The following DOCK1 variants were observed in gnomAD, a reference collection of about 807,000 sequenced individuals.
DOCK1 encodes dedicator of cytokinesis protein 1.
In DOCK1, 138 loss-of-function variants were observed where a neutral mutation model predicts 262.7. The observed-to-expected ratio is 0.53, with a 90% CI of 0.46 to 0.61. DOCK1 has a LOEUF of 0.61. Among genes scored for constraint, DOCK1 ranks in the 20% least tolerant of loss-of-function variants. The pLI is 0.00. For synonymous variants in DOCK1, 866 were observed against 867.4 expected, an observed-to-expected ratio of 1.00 and a Z score of 0.03; for missense variants, 1,908 against 2,370.7, an observed-to-expected ratio of 0.80 and a Z score of 4.05.
chr10:127,179,054 AAGAG>A (rs1269348125), intron 27 of DOCK1, among the ~76,000 whole-genome samples: 2 of 152,184 alleles, frequency 1.3e-5, no homozygotes, highest in African/African-American at 2.4e-5. Flanking sequence ...GAAAATTTGA[AAGAG>A]AGAGCATTTT....
chr10:127,374,260 A>G (rs1403453980), intron 35 of DOCK1, 46 bp downstream of exon 35: 3 of 1,566,700 alleles, frequency 1.9e-6, no homozygotes, highest in East Asian at 4.6e-5. Context: ...ACAGCACACC[A>G]GAAACTGAAG....
rs1039172172 is a variant in DOCK1 at position 127,269,793 on chromosome 10, G to C, written c.3044+12364G>C. Among the ~76,000 whole-genome samples the C allele has an allele frequency of 2.0e-5, 3 of 152,214 alleles. No homozygotes were observed. The East Asian group carries it at 5.8e-4, about 29-fold the overall frequency. On this transcript the variant is annotated intron_variant, in intron 29 of 51. Coordinates refer to ENST00000623213, the MANE Select transcript of DOCK1 (RefSeq NM_001290223.2). ...AGTAGCAGGAGAGACTGCAGAACTG[G>C]TTGCTCTTAAGCCACATCCAAGGCC...
At chr10:127,439,959 T>G (rs903763386) in intron 49 of DOCK1, among the ~76,000 whole-genome samples, 4 of 152,058 alleles carry the variant, frequency 2.6e-5, no homozygotes, top group Non-Finnish European at 5.9e-5. Context: ...GAATCTGTGT[T>G]CGTCTGTTTT....
chr10:126,910,632 C>T (rs2031631129), intron 1 of DOCK1, among the ~76,000 whole-genome samples: 1 of 152,200 alleles, frequency 6.6e-6, no homozygotes, highest in Non-Finnish European at 1.5e-5. Context: ...CCTAAGGTTA[C>T]GTCTTGTAAA....
intron 1 of DOCK1, among the ~76,000 whole-genome samples, chr10:126,941,616 C>T (rs1462789178): frequency 7.2e-5 from 11 of 152,056 alleles, no homozygotes; most frequent in East Asian, 5.9e-4. Flanking sequence ...ATTAGCCAGG[C>T]GTGGTGGCGG....
chr10:127,320,893 C>T (rs867229081), intron 29 of DOCK1, among the ~76,000 whole-genome samples: 36 of 152,056 alleles, frequency 2.4e-4, no homozygotes, highest in African/African-American at 8.5e-4. Flanking sequence ...AGGGAAGCTC[C>T]CTTGACCTCA....
chr10:127,134,456 A>G (rs2050526645), intron 27 of DOCK1, among the ~76,000 whole-genome samples: 1 of 152,090 alleles, frequency 6.6e-6, no homozygotes, highest in Non-Finnish European at 1.5e-5. Context: ...CCATACTTTG[A>G]GCCCCTCCCC....
Position 126,999,542 on chromosome 10 carries a change from G to C in DOCK1, c.849+107G>C, listed in dbSNP as rs868094000. ...ACACTAGAACATGGGTCCCTGGGATGCCTGTATACAGGTTAATTTAGTATT... is the reference window on the plus strand; with the variant it reads ...ACACTAGAACATGGGTCCCTGGGATCCCTGTATACAGGTTAATTTAGTATT... On this transcript the variant is annotated intron_variant, in intron 9 of 51. Coordinates refer to ENST00000623213, the MANE Select transcript of DOCK1 (RefSeq NM_001290223.2). 6.9e-6 allele frequency: 6 copies of C among 875,392 alleles called. 1 individual carries two copies. Among genetic ancestry groups the C allele is most frequent in the Middle Eastern group, 2.2e-4 (1 of 4,510 alleles). The allele number at this position is 875,392 out of a possible 1,614,324, so 54.2% of individuals were successfully genotyped here. A position where few individuals can be genotyped will look rare whatever the true frequency, so the allele number is the denominator to read the frequency against.
chr10:127,048,101 A>G (rs1467585874), intron 21 of DOCK1, among the ~76,000 whole-genome samples: 1 of 152,212 alleles, frequency 6.6e-6, no homozygotes, highest in Non-Finnish European at 1.5e-5. Flanking sequence ...CAGTTCTCCA[A>G]AAGGGTTGTA....
chr10:127,330,901 G>A (rs1437046274), intron 29 of DOCK1, among the ~76,000 whole-genome samples: 1 of 152,222 alleles, frequency 6.6e-6, no homozygotes, highest in Non-Finnish European at 1.5e-5. Context: ...TGACCCAAGG[G>A]TGGAGGTTTT....
At chr10:127,281,298 C>A (rs761470442) in intron 29 of DOCK1, among the ~76,000 whole-genome samples, 9 of 152,186 alleles carry the variant, frequency 5.9e-5, no homozygotes, top group Non-Finnish European at 1.0e-4. Flanking sequence ...CGTGGCCTAG[C>A]AAATTGTAAT....
intron 10 of DOCK1, chr10:127,000,538 A>T: frequency 1.8e-6 from 1 of 542,762 alleles, no homozygotes; most frequent in Non-Finnish European, 3.0e-6. Flanking sequence ...TTGGTTTTAA[A>T]GTGGATCCCA....
chr10:127,143,612 A>G (rs899649528), intron 27 of DOCK1, among the ~76,000 whole-genome samples: 10 of 152,190 alleles, frequency 6.6e-5, no homozygotes, highest in Admixed American at 2.0e-4. Context: ...CCCAAAGCAC[A>G]ACAATTTATG....
intron 29 of DOCK1, among the ~76,000 whole-genome samples, chr10:127,335,550 G>A (rs1317971523): frequency 2.2e-5 from 3 of 136,810 alleles, no homozygotes; most frequent in Non-Finnish European, 4.8e-5. Flanking sequence ...GTAACTAATA[G>A]ATTTTTTTTT....
At position 126,992,761 on chromosome 10, in the gene DOCK1, CACAG is replaced by C. The variant is rs1416198667; in HGVS notation, c.473+2166_473+2169del. Reference sequence around the variant, plus strand: ...AGACACACACACACACACACACACACACAGACAGACACAGACACACACACACAGA... The same window carrying C: ...AGACACACACACACACACACACACACACAGACACAGACACACACACACAGA... On this transcript the variant is annotated intron_variant, in intron 6 of 51. Coordinates refer to ENST00000623213, the MANE Select transcript of DOCK1 (RefSeq NM_001290223.2). Among the ~76,000 whole-genome samples the C allele has an allele frequency of 5.7e-5, 7 of 122,832 alleles. No individual in the cohort carries two copies. The South Asian group carries it at 7.9e-4, about 14-fold the overall frequency. 80.6% of individuals were successfully genotyped at this position (122,832 alleles called of 152,430 possible). A position where few individuals can be genotyped will look rare whatever the true frequency, so the allele number is the denominator to read the frequency against.
At chr10:127,207,352 C>T (rs189264841) in intron 27 of DOCK1, among the ~76,000 whole-genome samples, 1 of 152,274 alleles carries the variant, frequency 6.6e-6, no homozygotes, top group East Asian at 1.9e-4. Context: ...AGAAAGCTTA[C>T]AAGGAAGTTG....
chr10:127,032,072 G>A (rs2275534), intron 17 of DOCK1, 65 bp from the exon 18 acceptor site: 636,933 of 1,540,262 alleles, frequency 0.41, 134,824 homozygotes, highest in Admixed American at 0.45. Flanking sequence ...ATAACAAAGG[G>A]TGGCAAAAAT....
chr10:127,186,417 C>G (rs1209628243), intron 27 of DOCK1, among the ~76,000 whole-genome samples: 1 of 148,962 alleles, frequency 6.7e-6, no homozygotes, highest in Non-Finnish European at 1.5e-5. Flanking sequence ...ATCCCAGCTA[C>G]TTGGGAGGCT....
At position 127,157,232 on chromosome 10, in the gene DOCK1, T is replaced by G. The variant is rs563791927; in HGVS notation, c.2847+29468T>G. ...GGTAATGAAAAAGCAGTCAGTCATC[T>G]GTTGACCCAGGGTTGGATGTTGCAA... On this transcript the variant is annotated intron_variant, in intron 27 of 51. Coordinates refer to ENST00000623213, the MANE Select transcript of DOCK1 (RefSeq NM_001290223.2). Among the ~76,000 whole-genome samples the G allele has an allele frequency of 2.0e-5, 3 of 152,362 alleles. No individual in the cohort carries two copies. In the South Asian group the frequency reaches 6.2e-4, roughly 32 times the overall value.
Sources: allele counts gnomAD v4.1 joint callset (sites outside exome capture counted in the v4.1 genomes callset), GRCh38; gene constraint gnomAD v4.1.1; transcripts MANE v1.5; gene names NCBI Gene and HGNC (gene_info 2026-07-23, HGNC 2026-07-21).